PRKG1: variants seen among roughly 807,000 people sequenced by gnomAD.
PRKG1 encodes the protein protein kinase cGMP-dependent 1.
A neutral mutation model predicts 88.1 loss-of-function variants in PRKG1; 35 were observed. The observed-to-expected ratio is 0.40, with a 90% CI of 0.30 to 0.53. The LOEUF (loss-of-function observed/expected upper bound fraction) is 0.53. Among genes scored for constraint, PRKG1 ranks in the 20% least tolerant of loss-of-function variants. PRKG1 has a pLI of 0.59. For synonymous variants in PRKG1, 303 were observed against 292.5 expected (o/e 1.04, Z -0.37); for missense variants, 540 against 839.8 (o/e 0.64, Z 4.41).
rs566725223 is a variant in PRKG1, at chr10:51,880,881, G to T, written c.699-26626G>T. On this transcript the variant is annotated intron_variant, in intron 4 of 17. Coordinates refer to ENST00000373980, the MANE Select transcript of PRKG1 (RefSeq NM_006258.4). Reference sequence around the variant, plus strand: ...CTTTAGATGCCAGAAATTGTGCTGGGTGCCTTCAGTAAATTTTTAGGTTAG... The same window carrying T: ...CTTTAGATGCCAGAAATTGTGCTGGTTGCCTTCAGTAAATTTTTAGGTTAG... Among the ~76,000 whole-genome samples the T allele has an allele frequency of 2.6e-5, 4 of 152,274 alleles. No individual in the cohort carries two copies. In the East Asian group the frequency reaches 7.7e-4, roughly 29 times the overall value.
chr10:51,249,221 T>A (rs2132137931), intron 2 of PRKG1, among the ~76,000 whole-genome samples: 1 of 151,900 alleles, frequency 6.6e-6, no homozygotes, highest in Admixed American at 6.6e-5. Context: ...AATATATAGT[T>A]TGAAAGAATA....
intron 2 of PRKG1, among the ~76,000 whole-genome samples, chr10:51,226,659 G>A (rs1020035528): frequency 6.6e-6 from 1 of 152,080 alleles, no homozygotes; most frequent in Non-Finnish European, 1.5e-5. Context: ...AACTAGGAGG[G>A]TTAGTTCCTA....
chr10:51,926,270 A>G (rs570092766), intron 5 of PRKG1, among the ~76,000 whole-genome samples: 1 of 152,308 alleles, frequency 6.6e-6, no homozygotes, highest in South Asian at 2.1e-4. Flanking sequence ...ACAAGAGAGA[A>G]CAGTGAGGAA....
At chr10:51,180,721 A>G (rs1199648973) in intron 2 of PRKG1, among the ~76,000 whole-genome samples, 1 of 152,222 alleles carries the variant, frequency 6.6e-6, no homozygotes, top group Non-Finnish European at 1.5e-5. Flanking sequence ...CTGCAGAAAT[A>G]CATGGCATCT....
intron 3 of PRKG1, among the ~76,000 whole-genome samples, chr10:51,719,967 C>G (rs931759026): frequency 7.2e-5 from 11 of 151,808 alleles, no homozygotes; most frequent in African/African-American, 2.7e-4. Context: ...CCAGAAGGCT[C>G]TTAGATGATG....
intron 3 of PRKG1, among the ~76,000 whole-genome samples, chr10:51,599,775 G>T (rs2132223719): frequency 6.6e-6 from 1 of 152,302 alleles, no homozygotes; most frequent in East Asian, 1.9e-4. Flanking sequence ...TATTTTGGTT[G>T]CTATAACAAC....
At chr10:51,554,524 A>T (rs1325909434) in intron 3 of PRKG1, among the ~76,000 whole-genome samples, 3 of 150,102 alleles carry the variant, frequency 2.0e-5, no homozygotes, top group Non-Finnish European at 4.4e-5. Context: ...TTATTTACTC[A>T]ATGATTTTTC....
chr10:51,195,980 G>A (rs1241741942), intron 2 of PRKG1, among the ~76,000 whole-genome samples: 1 of 152,144 alleles, frequency 6.6e-6, no homozygotes, highest in Non-Finnish European at 1.5e-5. Context: ...GCTGCAGCAG[G>A]ATTCCAACTG....
At chr10:52,060,192 T>C (rs1846205489) in intron 6 of PRKG1, among the ~76,000 whole-genome samples, 1 of 151,842 alleles carries the variant, frequency 6.6e-6, no homozygotes, top group Non-Finnish European at 1.5e-5. Context: ...TCACAACAAT[T>C]GGTTATGCAT....
At chr10:52,138,664 A>T (rs1018573030) in intron 8 of PRKG1, among the ~76,000 whole-genome samples, 6 of 152,106 alleles carry the variant, frequency 3.9e-5, no homozygotes, top group African/African-American at 1.4e-4. Context: ...GGGACAGTCT[A>T]GGAAGTAGAG....
At chr10:52,185,897 G>A (rs1320581285) in intron 9 of PRKG1, among the ~76,000 whole-genome samples, 1 of 152,298 alleles carries the variant, frequency 6.6e-6, no homozygotes, top group East Asian at 1.9e-4. Flanking sequence ...AGTGTCCCAA[G>A]GCTGCACAGG....
intron 1 of PRKG1, among the ~76,000 whole-genome samples, chr10:51,145,174 T>C (rs1845914229): frequency 6.6e-6 from 1 of 152,164 alleles, no homozygotes; most frequent in Non-Finnish European, 1.5e-5. Flanking sequence ...GCACTCAATG[T>C]ATGCCCTGAT....
intron 5 of PRKG1, among the ~76,000 whole-genome samples, chr10:51,946,524 A>G (rs1234862553): frequency 6.6e-6 from 1 of 152,070 alleles, no homozygotes; most frequent in African/African-American, 2.4e-5. Flanking sequence ...CCTTTGGAAG[A>G]GGAGAGGCTC....
At chr10:51,422,043 C>T (rs1838431318) in intron 2 of PRKG1, among the ~76,000 whole-genome samples, 1 of 152,200 alleles carries the variant, frequency 6.6e-6, no homozygotes, top group Admixed American at 6.5e-5. Context: ...TGTTTGCTTA[C>T]TCTGTGCCAG....
chr10:52,109,982 A>G (rs1268014726), intron 7 of PRKG1, among the ~76,000 whole-genome samples: 2 of 151,752 alleles, frequency 1.3e-5, no homozygotes, highest in Non-Finnish European at 2.9e-5. Context: ...AGTCATTGTA[A>G]CAGTGCAAAG....
intron 2 of PRKG1, among the ~76,000 whole-genome samples, chr10:51,240,364 C>T (rs1414772101): frequency 1.3e-5 from 2 of 152,150 alleles, no homozygotes; most frequent in African/African-American, 4.8e-5. Flanking sequence ...TCTCAACCAG[C>T]TCTTTCTTAC....
intron 3 of PRKG1, among the ~76,000 whole-genome samples, chr10:51,531,805 C>T (rs751266697): frequency 2.6e-5 from 4 of 151,642 alleles, no homozygotes; most frequent in African/African-American, 7.3e-5. Flanking sequence ...ACACTGTGCC[C>T]GGCTAATTTT....
At chr10:51,382,171 A>C (rs1837123476) in intron 2 of PRKG1, among the ~76,000 whole-genome samples, 2 of 152,206 alleles carry the variant, frequency 1.3e-5, no homozygotes, top group African/African-American at 2.4e-5. Context: ...AAATTGAGAA[A>C]AAAATTTCAA....
intron 5 of PRKG1, among the ~76,000 whole-genome samples, chr10:51,936,898 C>G (rs1377899572): frequency 2.0e-5 from 3 of 151,922 alleles, no homozygotes; most frequent in Non-Finnish European, 4.4e-5. Context: ...TTCTTACAAA[C>G]TTTTTAGATG....
Sources: gnomAD v4.1 joint callset for allele counts (sites outside exome capture counted in the v4.1 genomes callset) on GRCh38, gnomAD v4.1.1 for gene constraint, MANE v1.5 for transcripts, NCBI Gene and HGNC (gene_info 2026-07-23, HGNC 2026-07-21) for gene names.